The following TFCP2 variants were observed in gnomAD, a reference collection of about 807,000 sequenced individuals.
The protein encoded by TFCP2 is transcription factor CP2.
Under a neutral mutation model 73.4 loss-of-function variants are expected in TFCP2, and 33 were observed. That is an observed-to-expected ratio of 0.45 (90% CI 0.34 to 0.60). The LOEUF (loss-of-function observed/expected upper bound fraction) is 0.60, where lower values mean the gene tolerates loss of function less well. Ranked by LOEUF, TFCP2 falls within the 20% of genes least tolerant of loss-of-function variation. The pLI, the probability that TFCP2 is intolerant of heterozygous loss-of-function variation, is 0.01. For missense variants in TFCP2, 352 were observed against 604.0 expected (o/e 0.58, Z 4.37); for synonymous variants, 193 against 211.6 (o/e 0.91, Z 0.76).
intron 1 of TFCP2, among the ~76,000 whole-genome samples, chr12:51,120,387 T>C (rs1329285535): frequency 1.3e-5 from 2 of 152,064 alleles, no homozygotes; most frequent in African/African-American, 2.4e-5. Flanking sequence ...GAATGTGTAA[T>C]GCATGGTTCT....
intron 14 of TFCP2, among the ~76,000 whole-genome samples, chr12:51,095,552 T>C (rs1056158548): frequency 1.3e-5 from 2 of 152,066 alleles, no homozygotes; most frequent in African/African-American, 4.8e-5. Flanking sequence ...CAGTGGCTCA[T>C]GTCTGTAATC....
At chr12:51,159,280 C>T (rs1359610771) in intron 1 of TFCP2, among the ~76,000 whole-genome samples, 1 of 151,830 alleles carries the variant, frequency 6.6e-6, no homozygotes. Flanking sequence ...CAACAATAAC[C>T]ATTGCCTCTT....
chr12:51,111,927 T>C (rs966355493), intron 4 of TFCP2, among the ~76,000 whole-genome samples: 7 of 151,576 alleles, frequency 4.6e-5, no homozygotes, highest in Non-Finnish European at 1.0e-4. Context: ...GAGGCCAAGG[T>C]GAGCGGATCA....
chr12:51,106,390 A>G, intron 8 of TFCP2, 135 bp downstream of exon 8: 1 of 610,468 alleles, frequency 1.6e-6, no homozygotes. Flanking sequence ...TCCAAATCTC[A>G]GTTAATATAT....
chr12:51,126,596 G>A (rs1195845957), intron 1 of TFCP2, among the ~76,000 whole-genome samples: 2 of 152,132 alleles, frequency 1.3e-5, no homozygotes, highest in Non-Finnish European at 2.9e-5. Context: ...AGAAGGAGAG[G>A]GTTGAAGAGT....
intron 3 of TFCP2, among the ~76,000 whole-genome samples, chr12:51,117,101 C>G (rs577299801): frequency 1.3e-5 from 2 of 152,260 alleles, no homozygotes; most frequent in African/African-American, 4.8e-5. Flanking sequence ...CCAACTCCCC[C>G]GCTTGCTAAC....
At chr12:51,126,308 A>C (rs1940818327) in intron 1 of TFCP2, among the ~76,000 whole-genome samples, 1 of 152,100 alleles carries the variant, frequency 6.6e-6, no homozygotes, top group Non-Finnish European at 1.5e-5. Context: ...GTGTATGTTA[A>C]AAATGTATAC....
In TFCP2 at chr12:51,117,737, A is replaced by C. The variant is rs774553605; in HGVS notation, c.285T>G (p.Tyr95Ter). Residue 95 changes from tyrosine to a stop codon, truncating the protein, a stop_gained, in exon 3 of 15, where the codon TAT becomes TAG. Transcript: ENST00000257915. LOFTEE classifies it high-confidence loss of function. Reference protein sequence around the residue: ...TLTYLNQGQSYEIRMLDNRKL... With the variant: ...TLTYLNQGQS ...TCCTATTGTCTAGCATTCGAATTTCATAAGACTGTCCTAGAAGAAAAAGTA... is the reference window on the plus strand; with the variant it reads ...TCCTATTGTCTAGCATTCGAATTTCCTAAGACTGTCCTAGAAGAAAAAGTA... 4 of 1,611,024 alleles carry C rather than the reference A, an allele frequency of 2.5e-6. No individual in the cohort carries two copies. In the African/African-American group the frequency reaches 4.0e-5, roughly 16 times the overall value.
intron 1 of TFCP2, among the ~76,000 whole-genome samples, chr12:51,120,217 C>CAA (rs1287295156): frequency 2.1e-5 from 3 of 140,162 alleles, no homozygotes; most frequent in Non-Finnish European, 4.5e-5. Context: ...ACAACAACAA[C>CAA]AAAAAAATAA....
chr12:51,096,108 A>AGGGACAC, intron 13 of TFCP2, 68 bp from the exon 14 acceptor site: 1 of 1,278,722 alleles, frequency 7.8e-7, no homozygotes, highest in African/African-American at 1.5e-5. Flanking sequence ...CTGTGTCCCT[A>AGGGACAC]AGGACTACCC....
At chr12:51,128,252 T>C (rs1047766830) in intron 1 of TFCP2, among the ~76,000 whole-genome samples, 6 of 152,146 alleles carry the variant, frequency 3.9e-5, no homozygotes, top group African/African-American at 1.4e-4. Context: ...AGGGAGAATA[T>C]ATTCCCCGTA....
intron 1 of TFCP2, among the ~76,000 whole-genome samples, chr12:51,134,792 A>T (rs1388302482): frequency 6.6e-6 from 1 of 152,252 alleles, no homozygotes; most frequent in Non-Finnish European, 1.5e-5. Context: ...AAGTACAGGA[A>T]TAATATCTAC....
In TFCP2 at chr12:51,116,897, G is replaced by A. The variant is rs144560686; in HGVS notation, c.352-477C>T. On this transcript the variant is annotated intron_variant, in intron 3 of 14. Coordinates refer to ENST00000257915, the MANE Select transcript of TFCP2 (RefSeq NM_005653.5). ...CTCTCAAAGTGCTGGGACTATAGGC[G>A]TGAGCCACCGGGTCCAGCCAATTTC... Among the ~76,000 whole-genome samples the A allele has an allele frequency of 3.2e-3, 492 of 152,288 alleles. 2 individuals are homozygous for A. Among genetic ancestry groups the A allele is most frequent in the Non-Finnish European group, 4.6e-3 (313 of 68,026 alleles).
rs758348402 is a variant in TFCP2 at position 51,095,263 on chromosome 12, C to T, written c.1487G>A (p.Ser496Asn). The T allele has an allele frequency of 6.2e-7, 1 of 1,613,910 alleles. No individual in the cohort carries two copies. Among genetic ancestry groups the T allele is most frequent in the South Asian group, 1.1e-5 (1 of 91,068 alleles). The change falls in exon 15 of 15, where the codon AGC becomes AAC. Residue 496 changes from serine to asparagine, a missense_variant. Physicochemically the swap from Ser to Asn is conservative, Grantham distance 46 (BLOSUM62 1). Transcript: ENST00000257915. ...CTCCTACTTCAGTATGATATGATAG[C>T]TATCATTGGTTTCTGCTGTTAAAAA... The part of the protein sequence containing the change: ...LDTMKAETND[S>N]YHIILK
rs1592792207 is a variant in TFCP2 at position 51,106,817 on chromosome 12, A to G, written c.829-204T>C. 39 of 536,568 alleles carry G rather than the reference A, an allele frequency of 7.3e-5. No homozygotes were observed. In the East Asian group the frequency reaches 1.4e-3, roughly 19 times the overall value. 33.2% of individuals were successfully genotyped at this position (536,568 alleles called of 1,614,324 possible). On this transcript the variant is annotated intron_variant, in intron 7 of 14. Transcript: ENST00000257915. ...CTGAGAATAGGACTTCTAAAAAGAA[A>G]TAAGTCTAGAAAACTACGGTCCCAG...
intron 1 of TFCP2, among the ~76,000 whole-genome samples, chr12:51,161,908 C>A (rs7309324): frequency 0.62 from 93,338 of 149,534 alleles, 30,836 homozygotes; most frequent in East Asian, 0.99. Context: ...AACAAACAAA[C>A]AAAAAAACTA....
At chr12:51,097,280 G>C (rs1019154485) in intron 13 of TFCP2, among the ~76,000 whole-genome samples, 1 of 150,620 alleles carries the variant, frequency 6.6e-6, no homozygotes, top group Non-Finnish European at 1.5e-5. Flanking sequence ...ATGAAGTCTC[G>C]CTCTGTCGCC....
At chr12:51,142,461 C>T (rs753558558) in intron 1 of TFCP2, among the ~76,000 whole-genome samples, 1 of 151,942 alleles carries the variant, frequency 6.6e-6, no homozygotes, top group South Asian at 2.1e-4. Flanking sequence ...ATCTTCTTTC[C>T]CTACCAAACC....
chr12:51,129,912 G>C (rs1325409531), intron 1 of TFCP2, among the ~76,000 whole-genome samples: 1 of 151,756 alleles, frequency 6.6e-6, no homozygotes, highest in Non-Finnish European at 1.5e-5. Flanking sequence ...AATTTGGGAG[G>C]CTGAGGCAGG....
Sources: gnomAD v4.1 joint callset for allele counts (sites outside exome capture counted in the v4.1 genomes callset) on GRCh38, gnomAD v4.1.1 for gene constraint, MANE v1.5 for transcripts, NCBI Gene and HGNC (gene_info 2026-07-23, HGNC 2026-07-21) for gene names.